The following PUM2 variants were observed in gnomAD, a reference collection of about 807,000 sequenced individuals.
The protein encoded by PUM2 is pumilio homolog 2.
A neutral mutation model predicts 124.5 loss-of-function variants in PUM2; 57 were observed. That is an observed-to-expected ratio of 0.46 (90% CI 0.37 to 0.57). The LOEUF (loss-of-function observed/expected upper bound fraction) is 0.57, where lower values mean the gene tolerates loss of function less well. Among genes scored for constraint, PUM2 ranks in the 20% least tolerant of loss-of-function variants. The pLI, the probability that PUM2 is intolerant of heterozygous loss-of-function variation, is 0.00. For missense variants in PUM2, 1,065 were observed against 1,290.6 expected (o/e 0.83, Z 2.68); for synonymous variants, 460 against 446.1 (o/e 1.03, Z -0.39).
intron 13 of PUM2, among the ~76,000 whole-genome samples, chr2:20,274,913 A>G (rs921482665): frequency 1.5e-5 from 2 of 132,276 alleles, no homozygotes; most frequent in African/African-American, 5.6e-5. Flanking sequence ...AAATAAGGCA[A>G]TACTAGAAAT....
intron 2 of PUM2, among the ~76,000 whole-genome samples, 162 bp from the exon 3 acceptor site, chr2:20,318,807 T>C (rs1681613557): frequency 6.6e-6 from 1 of 152,208 alleles, no homozygotes; most frequent in Non-Finnish European, 1.5e-5. Context: ...GTAAATTAAC[T>C]CCCCATTTAT....
Position 20,249,896 on chromosome 2 carries a change from T to C in PUM2, c.*1689A>G, listed in dbSNP as rs1005156629. On this transcript the variant is annotated 3_prime_UTR_variant, in exon 21 of 21. Coordinates refer to ENST00000361078, the MANE Select transcript of PUM2 (RefSeq NM_015317.5). ...AAAAACGATTTTAATTATACACATATGGTCACAATTTTGCCTTAAAAAGAT... is the reference window on the plus strand; with the variant it reads ...AAAAACGATTTTAATTATACACATACGGTCACAATTTTGCCTTAAAAAGAT... 4 of 152,662 alleles carry C rather than the reference T, an allele frequency of 2.6e-5. No individual in the cohort carries two copies. The allele number at this position is 152,662 out of a possible 1,614,324, so 9.5% of individuals were successfully genotyped here.
chr2:20,303,191 G>C (rs190366236), intron 7 of PUM2, among the ~76,000 whole-genome samples: 2 of 144,108 alleles, frequency 1.4e-5, no homozygotes, highest in African/African-American at 5.1e-5. Flanking sequence ...AAAACCTGGT[G>C]CCATAGCATT....
At chr2:20,278,155 C>G (rs1245524587) in intron 13 of PUM2, among the ~76,000 whole-genome samples, 1 of 152,094 alleles carries the variant, frequency 6.6e-6, no homozygotes, top group Non-Finnish European at 1.5e-5. Context: ...GGTAAAATGG[C>G]CAGGCATAGA....
intron 1 of PUM2, among the ~76,000 whole-genome samples, chr2:20,332,423 C>A (rs1199112130): frequency 6.9e-6 from 1 of 145,462 alleles, no homozygotes; most frequent in East Asian, 2.0e-4. Context: ...AAAAAAAAAA[C>A]CCACCCCCAT....
At position 20,297,731 on chromosome 2, in the gene PUM2, T is replaced by C. The variant is rs1675975228; in HGVS notation, c.884-53A>G. On this transcript the variant is annotated intron_variant, in intron 7 of 20. Transcript: ENST00000361078. ...AACAACAATGTAAAGTATGATTTTT[T>C]TCATTAGATAAAAACATTTCTACTC... is the stretch of plus-strand genomic sequence containing the variant. 4 of 1,567,830 alleles carry C rather than the reference T, an allele frequency of 2.6e-6. No homozygotes were observed. The African/African-American group carries it at 4.1e-5, about 16-fold the overall frequency.
chr2:20,292,115 C>G lies in PUM2; in HGVS notation c.1153-1325G>C, dbSNP rs531321984. Among the ~76,000 whole-genome samples, 15 of 150,594 alleles carry G rather than the reference C, an allele frequency of 1.0e-4. 1 individual carries two copies. The South Asian group carries it at 3.2e-3, about 32-fold the overall frequency. On this transcript the variant is annotated intron_variant, in intron 9 of 20. Transcript: ENST00000361078. Reference sequence around the variant, plus strand: ...GAGGAGGTTTTTTCATAAAAGGACTCCAGGTGCATGAGCTGCATCATGCTG... The same window carrying G: ...GAGGAGGTTTTTTCATAAAAGGACTGCAGGTGCATGAGCTGCATCATGCTG...
At chr2:20,348,950 TAAAC>T (rs1310100294) in intron 1 of PUM2, among the ~76,000 whole-genome samples, 1 of 152,218 alleles carries the variant, frequency 6.6e-6, no homozygotes, top group Non-Finnish European at 1.5e-5. Flanking sequence ...AAAAGATTCA[TAAAC>T]AAGTATGGAA....
chr2:20,311,980 A>C (rs1343138302), intron 4 of PUM2, among the ~76,000 whole-genome samples: 5 of 152,206 alleles, frequency 3.3e-5, no homozygotes, highest in African/African-American at 4.8e-5. Flanking sequence ...AGGAATAAGC[A>C]ATTTTAATTT....
chr2:20,248,722 A>G (rs1662571707), downstream of PUM2: 1 of 152,686 alleles, frequency 6.5e-6, no homozygotes, highest in South Asian at 2.1e-4. Flanking sequence ...ATCTAGAGAA[A>G]AACACAAGAC....
intron 1 of PUM2, among the ~76,000 whole-genome samples, chr2:20,328,284 C>T (rs1274275341): frequency 6.6e-6 from 1 of 152,112 alleles, no homozygotes; most frequent in Non-Finnish European, 1.5e-5. Flanking sequence ...GAGCCAAAAT[C>T]GTGCCATTGC....
rs938281272 is a variant in PUM2 at position 20,249,610 on chromosome 2, A to C, written c.*1975T>G. 2 of 152,674 alleles carry C rather than the reference A, an allele frequency of 1.3e-5. No homozygotes were observed. Among genetic ancestry groups the C allele is most frequent in the African/African-American group, 4.8e-5 (2 of 41,468 alleles). 9.5% of individuals were successfully genotyped at this position (152,674 alleles called of 1,614,324 possible). A position where few individuals can be genotyped will look rare whatever the true frequency, so the allele number is the denominator to read the frequency against. On this transcript the variant is annotated 3_prime_UTR_variant, in exon 21 of 21. Coordinates refer to ENST00000361078, the MANE Select transcript of PUM2 (RefSeq NM_015317.5). ...TTTAGGTTCATAATATGAACAACTA[A>C]GTGATAAAACCTTTAGATTCCATAT...
chr2:20,279,483 A>G (rs1169499335), intron 12 of PUM2, among the ~76,000 whole-genome samples: 2 of 152,162 alleles, frequency 1.3e-5, no homozygotes, highest in African/African-American at 4.8e-5. Context: ...CAAACCAAAG[A>G]CATACTTTCA....
intron 10 of PUM2, among the ~76,000 whole-genome samples, 200 bp downstream of exon 10, chr2:20,290,452 G>A (rs931380723): frequency 7.3e-4 from 5 of 6,888 alleles, no homozygotes; most frequent in Non-Finnish European, 1.3e-3. Flanking sequence ...CATTCCTGTC[G>A]TTGAGTCTCA....
At chr2:20,351,038 C>A (rs1489391494), upstream of PUM2, among the ~76,000 whole-genome samples, 6 of 152,192 alleles carry the variant, frequency 3.9e-5, no homozygotes. Context: ...TGCCCTCCCC[C>A]GCCCTCACCT....
chr2:20,281,244 A>C (rs1210964497), intron 12 of PUM2, among the ~76,000 whole-genome samples: 3 of 152,180 alleles, frequency 2.0e-5, no homozygotes, highest in Non-Finnish European at 4.4e-5. Flanking sequence ...TGGAGTCAGA[A>C]TTAAGTAAGC....
chr2:20,311,135 A>C (rs960685154), intron 5 of PUM2, among the ~76,000 whole-genome samples: 1 of 151,966 alleles, frequency 6.6e-6, no homozygotes, highest in Non-Finnish European at 1.5e-5. Context: ...AAAGGTGCTC[A>C]AAAGCACTCC....
chr2:20,304,259 C>A (rs73216223), intron 7 of PUM2, among the ~76,000 whole-genome samples: 1 of 152,090 alleles, frequency 6.6e-6, no homozygotes, highest in Non-Finnish European at 1.5e-5. Context: ...CAATTTACCC[C>A]CCTATGGATT....
chr2:20,343,799 T>C (rs1687681067), intron 1 of PUM2, among the ~76,000 whole-genome samples: 1 of 152,130 alleles, frequency 6.6e-6, no homozygotes, highest in Non-Finnish European at 1.5e-5. Context: ...TATGATGTTG[T>C]GCGCCTGTAA....
Sources: allele counts gnomAD v4.1 joint callset (sites outside exome capture counted in the v4.1 genomes callset), GRCh38; gene constraint gnomAD v4.1.1; transcripts MANE v1.5; gene names NCBI Gene and HGNC (gene_info 2026-07-23, HGNC 2026-07-21).